The following FGGY variants were observed in gnomAD, a reference collection of about 807,000 sequenced individuals.
FGGY encodes FGGY carbohydrate kinase domain containing.
FGGY carries 72 observed loss-of-function variants against 71.3 expected under a neutral mutation model. That is an observed-to-expected ratio of 1.01 (90% CI 0.84 to 1.23). The LOEUF is 1.23. Ranked by LOEUF, FGGY falls within the 50% of genes most tolerant of loss-of-function variation. The pLI is 0.00. For synonymous variants in FGGY, 251 were observed against 250.3 expected (o/e 1.00, Z -0.02); for missense variants, 668 against 682.3 (o/e 0.98, Z 0.23).
At chr1:59,413,822 G>A (rs918161631) in intron 5 of FGGY, among the ~76,000 whole-genome samples, 4 of 152,126 alleles carry the variant, frequency 2.6e-5, no homozygotes, top group Non-Finnish European at 4.4e-5. Flanking sequence ...TTAGCTGGGC[G>A]TGGTGGCACA....
At chr1:59,565,531 G>A (rs1159530414) in intron 8 of FGGY, among the ~76,000 whole-genome samples, 2 of 152,140 alleles carry the variant, frequency 1.3e-5, no homozygotes, top group Non-Finnish European at 2.9e-5. Context: ...TGATCCACCC[G>A]CCTAAGCCTC....
chr1:59,614,175 G>C (rs966991771), intron 9 of FGGY, among the ~76,000 whole-genome samples: 12 of 152,094 alleles, frequency 7.9e-5, no homozygotes, highest in Non-Finnish European at 1.2e-4. Flanking sequence ...TGATACCAAA[G>C]CCTGGCAGAG....
intron 5 of FGGY, among the ~76,000 whole-genome samples, chr1:59,439,708 T>C (rs2153475132): frequency 6.6e-6 from 1 of 152,294 alleles, no homozygotes; most frequent in Middle Eastern, 3.4e-3. Flanking sequence ...TAACTGAAAA[T>C]AGTTCTCTTC....
rs80280367 is a variant in FGGY at position 59,662,336 on chromosome 1, G to A, written c.1296+2043G>A. Reference sequence around the variant, plus strand: ...CTCCATCTCAAAAAAAAAAAAAAAAGAGAGAGATTTTATATGTGCCAAGCA... The same window carrying A: ...CTCCATCTCAAAAAAAAAAAAAAAAAAGAGAGATTTTATATGTGCCAAGCA... On this transcript the variant is annotated intron_variant, in intron 12 of 15. Coordinates refer to ENST00000303721, the MANE Select transcript of FGGY (RefSeq NM_018291.5). Among the ~76,000 whole-genome samples, 781 of 122,772 alleles carry A rather than the reference G, an allele frequency of 6.4e-3. 12 individuals carry two copies. The highest frequency in any genetic ancestry group is 0.031 in the African/African-American group (738 of 23,986). 80.5% of individuals were successfully genotyped at this position (122,772 alleles called of 152,430 possible). A position where few individuals can be genotyped will look rare whatever the true frequency, so the allele number is the denominator to read the frequency against.
At chr1:59,304,163 T>C (rs1338792008) in intron 1 of FGGY, among the ~76,000 whole-genome samples, 1 of 152,146 alleles carries the variant, frequency 6.6e-6, no homozygotes. Context: ...CCAAGACCAA[T>C]GTCGAGGAGT....
intron 14 of FGGY, among the ~76,000 whole-genome samples, chr1:59,676,902 C>A (rs369917552): frequency 6.6e-6 from 1 of 152,098 alleles, no homozygotes; most frequent in South Asian, 2.1e-4. Context: ...GCTTTACTGT[C>A]CTCAGACGAT....
intron 14 of FGGY, among the ~76,000 whole-genome samples, chr1:59,704,608 T>C (rs931077764): frequency 1.6e-4 from 25 of 152,188 alleles, no homozygotes; most frequent in Admixed American, 1.4e-3. Flanking sequence ...TATTAATACA[T>C]ATAAAGCTGC....
intron 2 of FGGY, among the ~76,000 whole-genome samples, chr1:59,331,096 T>C (rs1001248472): frequency 4.6e-5 from 7 of 152,084 alleles, no homozygotes; most frequent in African/African-American, 1.7e-4. Context: ...TAGATTAGAC[T>C]ATTGGCAGAG....
rs1030789660 is a variant in FGGY at position 59,599,059 on chromosome 1, A to G, written c.904-8744A>G. On this transcript the variant is annotated intron_variant, in intron 8 of 15. Coordinates refer to ENST00000303721, the MANE Select transcript of FGGY (RefSeq NM_018291.5). ...AGTCAGGGTTTATGGAAGGCTTTTC[A>G]GAGGAGATAACATTGAGTTCAGTCC... Among the ~76,000 whole-genome samples the G allele has an allele frequency of 2.6e-5, 4 of 152,088 alleles. No homozygotes were observed. The South Asian group carries it at 6.2e-4, about 24-fold the overall frequency.
intron 5 of FGGY, among the ~76,000 whole-genome samples, chr1:59,396,487 C>G (rs1163262208): frequency 6.6e-6 from 1 of 152,116 alleles, no homozygotes; most frequent in Non-Finnish European, 1.5e-5. Context: ...TCAGACTCCC[C>G]TAACTGGTGA....
intron 14 of FGGY, among the ~76,000 whole-genome samples, chr1:59,745,920 G>A (rs2098193004): frequency 6.6e-6 from 1 of 152,204 alleles, no homozygotes; most frequent in Non-Finnish European, 1.5e-5. Flanking sequence ...TCAGAAAGTG[G>A]CTGTTGGTAT....
chr1:59,306,968 G>T (rs2043530997), intron 1 of FGGY, among the ~76,000 whole-genome samples: 1 of 152,094 alleles, frequency 6.6e-6, no homozygotes, highest in South Asian at 2.1e-4. Flanking sequence ...AAAGGACTCG[G>T]TTGCTGACTG....
intron 5 of FGGY, among the ~76,000 whole-genome samples, chr1:59,388,136 C>T (rs1158805568): frequency 6.6e-6 from 1 of 151,866 alleles, no homozygotes; most frequent in East Asian, 1.9e-4. Context: ...GGTATGTGTA[C>T]ATACATAGGA....
At chr1:59,371,099 G>C (rs1274805005) in intron 4 of FGGY, among the ~76,000 whole-genome samples, 1 of 152,130 alleles carries the variant, frequency 6.6e-6, no homozygotes, top group African/African-American at 2.4e-5. Flanking sequence ...CCAATTAAAA[G>C]ACACAGACTG....
At chr1:59,555,658 G>A (rs942072168) in intron 8 of FGGY, among the ~76,000 whole-genome samples, 1 of 152,138 alleles carries the variant, frequency 6.6e-6, no homozygotes, top group South Asian at 2.1e-4. Context: ...ATTTCCTTCT[G>A]TTTGGGCTCT....
chr1:59,586,356 A>G (rs1309680961), intron 8 of FGGY, among the ~76,000 whole-genome samples: 1 of 152,186 alleles, frequency 6.6e-6, no homozygotes, highest in East Asian at 1.9e-4. Context: ...TGTCCTTTGT[A>G]GGGACATGGA....
At chr1:59,600,544 G>A (rs372763950) in intron 8 of FGGY, among the ~76,000 whole-genome samples, 2 of 152,178 alleles carry the variant, frequency 1.3e-5, no homozygotes, top group East Asian at 1.9e-4. Flanking sequence ...CCAAAGAGAC[G>A]AAGCTAATAA....
chr1:59,606,160 A>C (rs2096621590), intron 8 of FGGY, among the ~76,000 whole-genome samples: 1 of 152,064 alleles, frequency 6.6e-6, no homozygotes, highest in African/African-American at 2.4e-5. Flanking sequence ...AATAAAATAA[A>C]AAATTTTAAA....
intron 14 of FGGY, among the ~76,000 whole-genome samples, chr1:59,714,856 A>G (rs116506698): frequency 7.9e-5 from 12 of 152,222 alleles, no homozygotes; most frequent in South Asian, 2.1e-4. Flanking sequence ...TGTATTTGAC[A>G]TATGAAAAGA....
Sources: gnomAD v4.1 joint callset for allele counts (sites outside exome capture counted in the v4.1 genomes callset) on GRCh38, gnomAD v4.1.1 for gene constraint, MANE v1.5 for transcripts, NCBI Gene and HGNC (gene_info 2026-07-23, HGNC 2026-07-21) for gene names.